Variants in DCC observed in about 807,000 individuals in gnomAD.
DCC encodes the protein netrin receptor DCC.
Under a neutral mutation model 172.5 loss-of-function variants are expected in DCC, and 58 were observed. That is an observed-to-expected ratio of 0.34 (90% CI 0.27 to 0.42). DCC has a LOEUF of 0.42. Ranked by LOEUF, DCC falls within the 10% of genes least tolerant of loss-of-function variation. DCC has a pLI of 1.00. For synonymous variants in DCC, 709 were observed against 644.5 expected, an observed-to-expected ratio of 1.10 and a Z score of -1.52; for missense variants, 1,740 against 1,791.0, an observed-to-expected ratio of 0.97 and a Z score of 0.51.
chr18:52,636,228 G>A (rs997647816), intron 1 of DCC, among the ~76,000 whole-genome samples: 2 of 152,150 alleles, frequency 1.3e-5, no homozygotes, highest in African/African-American at 4.8e-5. Flanking sequence ...ATTCCTGCTT[G>A]GCACCACAGG....
At chr18:53,201,832 G>T (rs1317770753) in intron 9 of DCC, among the ~76,000 whole-genome samples, 4 of 152,152 alleles carry the variant, frequency 2.6e-5, no homozygotes. Flanking sequence ...GAATATTGAA[G>T]TGGAGACACT....
chr18:52,977,999 A>C (rs1297690489), intron 5 of DCC, among the ~76,000 whole-genome samples: 3 of 152,128 alleles, frequency 2.0e-5, no homozygotes, highest in Middle Eastern at 3.2e-3. Flanking sequence ...GATCAAATCA[A>C]ATTAAATTTG....
chr18:52,793,120 G>T (rs1036553543), intron 2 of DCC, among the ~76,000 whole-genome samples: 1 of 152,170 alleles, frequency 6.6e-6, no homozygotes, highest in African/African-American at 2.4e-5. Flanking sequence ...GATTTATGTA[G>T]GACCCACAGA....
chr18:52,799,308 T>A (rs1166427529), intron 2 of DCC, among the ~76,000 whole-genome samples: 3 of 152,208 alleles, frequency 2.0e-5, no homozygotes, highest in Non-Finnish European at 4.4e-5. Context: ...GTTTGGGAAT[T>A]TGGGGAGTAA....
chr18:52,838,035 G>A (rs2038740131), intron 2 of DCC, among the ~76,000 whole-genome samples: 1 of 152,064 alleles, frequency 6.6e-6, no homozygotes, highest in Admixed American at 6.6e-5. Context: ...ACGAGAACAG[G>A]GTGGGGAAAC....
intron 1 of DCC, among the ~76,000 whole-genome samples, chr18:52,624,455 G>T (rs920492533): frequency 6.6e-6 from 1 of 152,162 alleles, no homozygotes; most frequent in African/African-American, 2.4e-5. Context: ...TCAGCTGGGA[G>T]TTTATTTTTC....
At chr18:52,571,816 C>T (rs1221933541) in intron 1 of DCC, among the ~76,000 whole-genome samples, 1 of 152,088 alleles carries the variant, frequency 6.6e-6, no homozygotes, top group East Asian at 1.9e-4. Flanking sequence ...GTCTTTCAGT[C>T]GTTGGAAGCA....
At chr18:53,087,594 C>T (rs569596411) in intron 7 of DCC, among the ~76,000 whole-genome samples, 28 of 152,284 alleles carry the variant, frequency 1.8e-4, no homozygotes, top group African/African-American at 6.7e-4. Context: ...TGTGCAGAAG[C>T]TCTTGAGTTT....
intron 2 of DCC, among the ~76,000 whole-genome samples, chr18:52,801,144 G>C (rs1270994487): frequency 1.3e-5 from 2 of 152,138 alleles, no homozygotes; most frequent in African/African-American, 4.8e-5. Context: ...CATTCTACTG[G>C]TCAAAACCCA....
chr18:53,221,556 G>T (rs1379825698), intron 12 of DCC, among the ~76,000 whole-genome samples: 1 of 152,080 alleles, frequency 6.6e-6, no homozygotes, highest in Non-Finnish European at 1.5e-5. Context: ...AGAAAATGGG[G>T]AGTTATTGGT....
intron 27 of DCC, among the ~76,000 whole-genome samples, chr18:53,511,257 A>G (rs2046247694): frequency 6.6e-6 from 1 of 152,246 alleles, no homozygotes; most frequent in South Asian, 2.1e-4. Flanking sequence ...CAAGGATTGC[A>G]GAGAATCACA....
At chr18:53,086,086 TCCTCCTCCTCCTCCTCCTCCTCCTCCTC>T in intron 7 of DCC, among the ~76,000 whole-genome samples, 1 of 850 alleles carries the variant, frequency 1.2e-3, no homozygotes, top group Non-Finnish European at 2.5e-3. Flanking sequence ...CTCCTCCTCC[TCCTCCTCCTCCTCCTCCTCCTCCTCCTC>T]CTCCTCCTCC....
rs117299169 is a variant in DCC, at chr18:52,417,969, G to A, written c.91+77091G>A. ...GCAGGACCATAGCGCAGCTCTGTCC[G>A]CATCATCTGTCATTAATTCTTCGCT... On this transcript the variant is annotated intron_variant, in intron 1 of 28. Coordinates refer to ENST00000442544, the MANE Select transcript of DCC (RefSeq NM_005215.4). Among the ~76,000 whole-genome samples, 124 of 152,248 alleles carry A rather than the reference G, an allele frequency of 8.1e-4. 2 individuals carry two copies. The highest frequency in any genetic ancestry group is 3.4e-3 in the Middle Eastern group (1 of 294).
intron 1 of DCC, among the ~76,000 whole-genome samples, chr18:52,348,434 G>T (rs2256): frequency 0.23 from 34,829 of 152,110 alleles, 4,640 homozygotes; most frequent in Non-Finnish European, 0.31. Context: ...CAGATGAAAG[G>T]CCTCTTTGCT....
intron 12 of DCC, among the ~76,000 whole-genome samples, chr18:53,269,120 G>A (rs769853737): frequency 2.1e-4 from 32 of 152,166 alleles, no homozygotes; most frequent in African/African-American, 6.0e-4. Flanking sequence ...GCATGCACGC[G>A]CATGCCTGTG....
intron 20 of DCC, among the ~76,000 whole-genome samples, chr18:53,415,123 C>A (rs747757703): frequency 6.6e-6 from 1 of 152,112 alleles, no homozygotes; most frequent in Admixed American, 6.5e-5. Flanking sequence ...GAAGGACCAC[C>A]ACCTGTAGGG....
intron 15 of DCC, among the ~76,000 whole-genome samples, chr18:53,348,825 G>A (rs1366323184): frequency 1.3e-5 from 2 of 152,052 alleles, no homozygotes; most frequent in Non-Finnish European, 2.9e-5. Flanking sequence ...CAAGTCCCTA[G>A]GCTGTACACA....
intron 2 of DCC, among the ~76,000 whole-genome samples, chr18:52,805,559 C>T (rs908682278): frequency 6.6e-6 from 1 of 152,168 alleles, no homozygotes; most frequent in Admixed American, 6.5e-5. Flanking sequence ...AGGTAAAATT[C>T]TTCCACAGGT....
chr18:52,649,914 C>T (rs1423695142), intron 1 of DCC, among the ~76,000 whole-genome samples: 1 of 150,172 alleles, frequency 6.7e-6, no homozygotes, highest in Non-Finnish European at 1.5e-5. Context: ...TTATATAATT[C>T]TTTCTTTTCC....
Sources: allele counts gnomAD v4.1 joint callset (sites outside exome capture counted in the v4.1 genomes callset), GRCh38; gene constraint gnomAD v4.1.1; transcripts MANE v1.5; gene names NCBI Gene and HGNC (gene_info 2026-07-23, HGNC 2026-07-21).